CLVS1: variants seen among roughly 807,000 people sequenced by gnomAD.
CLVS1 encodes clavesin-1.
CLVS1 carries 10 observed loss-of-function variants against 33.1 expected under a neutral mutation model. That is an observed-to-expected ratio of 0.30 (90% confidence interval 0.19 to 0.51). The LOEUF (loss-of-function observed/expected upper bound fraction) is 0.51, where lower values mean the gene tolerates loss of function less well. Among genes scored for constraint, CLVS1 ranks in the 20% least tolerant of loss-of-function variants. CLVS1 has a pLI of 0.97. For synonymous variants in CLVS1, 163 were observed against 166.1 expected, an observed-to-expected ratio of 0.98 and a Z score of 0.14; for missense variants, 343 against 433.4, an observed-to-expected ratio of 0.79 and a Z score of 1.85.
intron 2 of CLVS1, chr8:61,202,715 A>G (rs1807760209): frequency 1.9e-6 from 3 of 1,574,658 alleles, no homozygotes; most frequent in Admixed American, 3.3e-5. Context: ...GTGGAGGAAG[A>G]TGCAGAGTCA....
At chr8:60,968,823 A>T in the CLVS1 span, among the ~76,000 whole-genome samples, 2,843 of 152,200 alleles carry the variant, frequency 0.019, 103 homozygotes, top group African/African-American at 0.065. Context: ...TGGCAGGTTA[A>T]GGCTGCAGTG....
intron 1 of CLVS1, chr8:61,131,696 G>A (rs979295914): frequency 2.7e-5 from 4 of 149,224 alleles, no homozygotes; most frequent in South Asian, 2.1e-4. Flanking sequence ...TTTAACCATC[G>A]CTACTCAAGT....
chr8:60,987,351 T>C, the CLVS1 span, among the ~76,000 whole-genome samples: 1 of 152,126 alleles, frequency 6.6e-6, no homozygotes, highest in South Asian at 2.1e-4. Flanking sequence ...CAATAGCAAA[T>C]GACATCCCAA....
intron 2 of CLVS1, among the ~76,000 whole-genome samples, chr8:61,224,298 G>A (rs183199957): frequency 9.1e-4 from 139 of 152,170 alleles, no homozygotes; most frequent in African/African-American, 3.1e-4. Context: ...TCTCAACTTC[G>A]TGAGTTTGTC....
the CLVS1 span, among the ~76,000 whole-genome samples, chr8:60,991,744 CTTTT>C: frequency 1.7e-5 from 2 of 118,970 alleles, no homozygotes; most frequent in Admixed American, 9.0e-5. Context: ...AAGCCCCACT[CTTTT>C]TTTTTTTTTT....
intron 2 of CLVS1, among the ~76,000 whole-genome samples, chr8:61,229,236 T>C (rs1365550885): frequency 6.6e-6 from 1 of 152,210 alleles, no homozygotes; most frequent in African/African-American, 2.4e-5. Context: ...CCTTCAGAAA[T>C]CTTTATTGAG....
intron 5 of CLVS1, among the ~76,000 whole-genome samples, chr8:61,485,449 G>T (rs960270160): frequency 8.5e-5 from 13 of 152,182 alleles, no homozygotes; most frequent in African/African-American, 3.1e-4. Context: ...GAAACAACAG[G>T]TGCTAGAAAG....
chr8:61,435,183 A>C (rs1283501079), intron 3 of CLVS1, among the ~76,000 whole-genome samples: 1 of 152,212 alleles, frequency 6.6e-6, no homozygotes, highest in Non-Finnish European at 1.5e-5. Context: ...GAAGAGACAG[A>C]GACTTGAAAT....
rs1293992803 is a variant in CLVS1, at chr8:61,105,903, T to C, written c.-242-25867T>C. ...ACCCGTTGAACACAACCGCTCCAGT[T>C]TTAGTTGTTCTCCCGCTCATGCCCG... is the stretch of plus-strand genomic sequence containing the variant. On this transcript the variant is annotated intron_variant, in intron 1 of 2. Transcript: ENST00000522621. 2.0e-5 allele frequency among the ~76,000 whole-genome samples: 3 copies of C among 151,992 alleles called. No homozygotes were observed. The East Asian group carries it at 5.8e-4, about 29-fold the overall frequency.
intron 5 of CLVS1, among the ~76,000 whole-genome samples, chr8:61,477,025 A>G (rs539742484): frequency 7.9e-6 from 1 of 127,058 alleles, no homozygotes; most frequent in South Asian, 2.3e-4. Flanking sequence ...GAATTTTATC[A>G]AAGGCCTTTT....
rs143026067 is a variant in CLVS1, at chr8:61,189,112, G to A, written c.-152+57252G>A. The stretch of plus-strand genomic sequence containing the variant: ...TGAAATGAAGGAAAATATATTAAGG[G>A]CAGCCAGAGAGAAAGGTTGGGTTAC... On this transcript the variant is annotated intron_variant, in intron 2 of 2. Coordinates refer to the CLVS1 transcript ENST00000522621. 2.4e-3 allele frequency among the ~76,000 whole-genome samples: 365 copies of A among 152,258 alleles called. 2 individuals are homozygous for A. Among genetic ancestry groups the A allele is most frequent in the African/African-American group, 8.0e-3 (334 of 41,570 alleles).
intron 2 of CLVS1, among the ~76,000 whole-genome samples, chr8:61,350,556 T>TGAAGATAAG (rs1325334943): frequency 2.0e-5 from 3 of 152,200 alleles, no homozygotes; most frequent in Non-Finnish European, 4.4e-5. Flanking sequence ...AAGGTAATGC[T>TGAAGATAAG]GTAATCTACC....
intron 2 of CLVS1, among the ~76,000 whole-genome samples, chr8:61,201,796 C>T (rs572251413): frequency 2.8e-4 from 42 of 152,228 alleles, no homozygotes; most frequent in African/African-American, 9.4e-4. Flanking sequence ...TCCCCACTGC[C>T]GTAAAGAAAT....
intron 1 of CLVS1, among the ~76,000 whole-genome samples, chr8:61,060,139 C>T (rs914820297): frequency 2.0e-5 from 3 of 152,072 alleles, no homozygotes; most frequent in Non-Finnish European, 4.4e-5. Context: ...GTGTCTTTTT[C>T]GTCCTTAGCA....
chr8:61,092,491 A>G (rs1805268404), intron 1 of CLVS1, among the ~76,000 whole-genome samples: 1 of 152,360 alleles, frequency 6.6e-6, no homozygotes, highest in South Asian at 2.1e-4. Context: ...GGAGATCAGA[A>G]GTCCAAAATG....
chr8:61,186,632 T>G (rs992238386), intron 2 of CLVS1, among the ~76,000 whole-genome samples: 2 of 151,624 alleles, frequency 1.3e-5, no homozygotes, highest in South Asian at 4.2e-4. Flanking sequence ...CTATAACTAT[T>G]TGAAGAAGGA....
intron 3 of CLVS1, among the ~76,000 whole-genome samples, chr8:61,387,673 CT>C (rs1350688580): frequency 6.6e-6 from 1 of 152,080 alleles, no homozygotes; most frequent in African/African-American, 2.4e-5. Context: ...CCATGTCATT[CT>C]CATGCCTTTG....
intron 3 of CLVS1, among the ~76,000 whole-genome samples, chr8:61,403,002 T>TA (rs1290850677): frequency 1.3e-5 from 2 of 152,282 alleles, no homozygotes; most frequent in African/African-American, 4.8e-5. Flanking sequence ...TAAGTACTAT[T>TA]AAAAAAACAG....
chr8:60,980,510 G>A, the CLVS1 span, among the ~76,000 whole-genome samples: 1 of 152,232 alleles, frequency 6.6e-6, no homozygotes, highest in African/African-American at 2.4e-5. Flanking sequence ...AAGGGGCCGG[G>A]TGGGATAGCT....
Sources: allele counts gnomAD v4.1 joint callset (sites outside exome capture counted in the v4.1 genomes callset), GRCh38; gene constraint gnomAD v4.1.1; transcripts MANE v1.5; gene names NCBI Gene and HGNC (gene_info 2026-07-23, HGNC 2026-07-21).